Variants in CD8A observed in about 807,000 individuals in gnomAD.
The protein encoded by CD8A is T-cell surface glycoprotein CD8 alpha chain.
A neutral mutation model predicts 24.2 loss-of-function variants in CD8A; 25 were observed. The ratio of observed to expected loss-of-function variants is 1.03; its 90% CI spans 0.75 to 1.44. The LOEUF is 1.44. CD8A is among the 40% of genes most tolerant of loss of function. CD8A has a pLI of 0.00. For synonymous variants in CD8A, 165 were observed against 149.9 expected (o/e 1.10, Z -0.74); for missense variants, 360 against 319.7 (o/e 1.13, Z -0.96).
chr2:86,799,895 T>G (rs1673609657), intron 3 of CD8A, among the ~76,000 whole-genome samples: 1 of 152,044 alleles, frequency 6.6e-6, no homozygotes, highest in African/African-American at 2.4e-5. Flanking sequence ...ATTATGAGGA[T>G]GCATATTAAC....
chr2:86,804,751 G>A (rs1239799574), intron 2 of CD8A, among the ~76,000 whole-genome samples: 1 of 148,702 alleles, frequency 6.7e-6, no homozygotes, highest in East Asian at 2.0e-4. Flanking sequence ...CTCCCAAAGT[G>A]CTGAGATTAC....
chr2:86,799,832 A>ATCCCTC (rs1673607545), intron 3 of CD8A, among the ~76,000 whole-genome samples: 1 of 152,170 alleles, frequency 6.6e-6, no homozygotes, highest in Non-Finnish European at 1.5e-5. Context: ...TTGGGGCCTC[A>ATCCCTC]TCCCTCTACT....
Position 86,789,439 on chromosome 2 carries a change from G to C in CD8A, c.515-6C>G, listed in dbSNP as rs139743836. On this transcript the variant is annotated splice_region_variant and splice_polypyrimidine_tract_variant and intron_variant, in intron 3 of 5. Coordinates refer to ENST00000283635, the MANE Select transcript of CD8A (RefSeq NM_001768.7). ...GTCCAGCCCCCTCGTGTGCACTGACGACACCAAAGACGCCGACATTTAGGA... is the reference window on the plus strand; with the variant it reads ...GTCCAGCCCCCTCGTGTGCACTGACCACACCAAAGACGCCGACATTTAGGA... The C allele has an allele frequency of 2.5e-6, 4 of 1,600,562 alleles. No homozygotes were observed. Among genetic ancestry groups the C allele is most frequent in the Non-Finnish European group, 3.4e-6 (4 of 1,167,648 alleles).
chr2:86,797,770 AT>A lies in CD8A; in HGVS notation c.-271+3740del, dbSNP rs1193773676. Among the ~76,000 whole-genome samples the A allele has an allele frequency of 2.0e-5, 3 of 152,282 alleles. No homozygotes were observed. In the East Asian group the frequency reaches 5.8e-4, roughly 29 times the overall value. On this transcript the variant is annotated intron_variant, in intron 3 of 8. Coordinates refer to the CD8A transcript ENST00000409511. ...ATGCCCACTCTTTATAAGTGTTAGCATTTTGTCGCATTTCCTTCACATGAAC... is the reference window on the plus strand; with the variant it reads ...ATGCCCACTCTTTATAAGTGTTAGCATTTGTCGCATTTCCTTCACATGAAC...
chr2:86,789,266 A>G (rs906484162), intron 4 of CD8A, 57 bp downstream of exon 4: 2 of 1,150,972 alleles, frequency 1.7e-6, no homozygotes, highest in African/African-American at 3.0e-5. Context: ...TGGAGCTAGC[A>G]GAGCCAAGGG....
rs1442448362 is a variant in CD8A, at chr2:86,784,961, C to CT, written c.*958dup. On this transcript the variant is annotated 3_prime_UTR_variant, in exon 6 of 6. Coordinates refer to ENST00000283635, the MANE Select transcript of CD8A (RefSeq NM_001768.7). Reference sequence around the variant, plus strand: ...TCTGCTAGTTGAGCAGAGGCCAGGGCTGTGTGAGGGGCTCTCCAACAATTG... The same window carrying CT: ...TCTGCTAGTTGAGCAGAGGCCAGGGCTTGTGTGAGGGGCTCTCCAACAATTG... 6.6e-6 allele frequency: 3 copies of CT among 454,010 alleles called. No homozygotes were observed. Among genetic ancestry groups the CT allele is most frequent in the African/African-American group, 2.0e-5 (1 of 50,016 alleles). The allele number at this position is 454,010 out of a possible 1,614,324, so 28.1% of individuals were successfully genotyped here. A position where few individuals can be genotyped will look rare whatever the true frequency, so the allele number is the denominator to read the frequency against.
upstream of CD8A, chr2:86,791,294 GC>G (rs1373484933): frequency 5.5e-6 from 2 of 361,114 alleles, no homozygotes; most frequent in African/African-American, 4.3e-5. Flanking sequence ...CTTTTTATTG[GC>G]AAAATGGGCA....
intron 4 of CD8A, 149 bp downstream of exon 4, chr2:86,789,174 C>A: frequency 1.4e-6 from 1 of 708,708 alleles, no homozygotes. Context: ...TTCTATCTCC[C>A]AGAAAGAAGT....
chr2:86,785,623 T>C lies in CD8A; in HGVS notation c.*297A>G. 1.6e-6 allele frequency: 1 copy of C among 616,348 alleles called. No homozygotes were observed. 38.2% of individuals were successfully genotyped at this position (616,348 alleles called of 1,614,324 possible). ...TTGAGATGGCATGGGTGCCTCCAGC[T>C]CTCTCAGCATGATTCTGAGAACTCT... On this transcript the variant is annotated 3_prime_UTR_variant, in exon 6 of 6. Coordinates refer to ENST00000283635, the MANE Select transcript of CD8A (RefSeq NM_001768.7).
rs1364984545 is a variant in CD8A, at chr2:86,784,682, C to G, written c.*1238G>C. ...GCCACTCATAACAGCATAGTACAACCCTATTTAAAAAAGAAAGACATATTT... is the reference window on the plus strand; with the variant it reads ...GCCACTCATAACAGCATAGTACAACGCTATTTAAAAAAGAAAGACATATTT... On this transcript the variant is annotated 3_prime_UTR_variant, in exon 6 of 6. Transcript: ENST00000283635. 1 of 446,272 alleles carries G rather than the reference C, an allele frequency of 2.2e-6. No individual in the cohort carries two copies. Among genetic ancestry groups the G allele is most frequent in the Non-Finnish European group, 4.5e-6 (1 of 222,842 alleles). The allele number at this position is 446,272 out of a possible 1,614,324, so 27.6% of individuals were successfully genotyped here.
At chr2:86,793,357 A>T (rs1673373805), upstream of CD8A, among the ~76,000 whole-genome samples, 1 of 152,152 alleles carries the variant, frequency 6.6e-6, no homozygotes, top group Admixed American at 6.6e-5. Context: ...ATGGGAGATG[A>T]GGGAGTTGGG....
At chr2:86,789,201 C>T (rs1190384760) in intron 4 of CD8A, 122 bp downstream of exon 4, 9 of 748,462 alleles carry the variant, frequency 1.2e-5, no homozygotes, top group Non-Finnish European at 2.0e-5. Context: ...ACCTGCGGGG[C>T]AGCTCGGGAG....
Position 86,784,837 on chromosome 2 carries a change from C to G in CD8A, c.*1083G>C, listed in dbSNP as rs753269191. The G allele has an allele frequency of 4.4e-6, 2 of 454,080 alleles. No individual in the cohort carries two copies. Among genetic ancestry groups the G allele is most frequent in the South Asian group, 3.1e-5 (2 of 64,470 alleles). 28.1% of individuals were successfully genotyped at this position (454,080 alleles called of 1,614,324 possible). A position where few individuals can be genotyped will look rare whatever the true frequency, so the allele number is the denominator to read the frequency against. ...AAGTTTTTTCTCTCCAATGGGCAGG[C>G]ATTGCTTGTACCATACCTTAAGCAA... On this transcript the variant is annotated 3_prime_UTR_variant, in exon 6 of 6. Transcript: ENST00000283635.
chr2:86,801,524 T>C (rs1673673525), exon 3 of CD8A: 1 of 152,244 alleles, frequency 6.6e-6, no homozygotes, highest in African/African-American at 2.4e-5. Context: ...GCTAAATTTT[T>C]GTAGAGATGG....
upstream of CD8A, among the ~76,000 whole-genome samples, chr2:86,792,499 A>ATTT (rs10673776): frequency 5.0e-4 from 74 of 147,864 alleles, no homozygotes; most frequent in Middle Eastern, 3.5e-3. Context: ...CGTTGTTGCT[A>ATTT]TTTTTTTTTT....
intron 3 of CD8A, among the ~76,000 whole-genome samples, chr2:86,799,452 G>A (rs565869676): frequency 6.6e-6 from 1 of 152,094 alleles, no homozygotes; most frequent in African/African-American, 2.4e-5. Flanking sequence ...AGAGTCCCCA[G>A]TATCCAGGTA....
chr2:86,805,808 T>C (rs1673830111), intron 2 of CD8A, among the ~76,000 whole-genome samples: 1 of 152,206 alleles, frequency 6.6e-6, no homozygotes, highest in Non-Finnish European at 1.5e-5. Context: ...CTCTTCTTTT[T>C]GTTCAGAGCC....
chr2:86,805,347 G>C (rs1673811623), intron 2 of CD8A, among the ~76,000 whole-genome samples: 1 of 152,176 alleles, frequency 6.6e-6, no homozygotes, highest in Admixed American at 6.5e-5. Flanking sequence ...GACTTGAGGA[G>C]TATGGCAACC....
chr2:86,788,453 C>T (rs1673114096), intron 5 of CD8A, 77 bp downstream of exon 5: 5 of 1,202,632 alleles, frequency 4.2e-6, no homozygotes, highest in Non-Finnish European at 6.2e-6. Context: ...AAAGTTCCCA[C>T]TATTTGCTGC....
Sources: allele counts gnomAD v4.1 joint callset (sites outside exome capture counted in the v4.1 genomes callset), GRCh38; gene constraint gnomAD v4.1.1; transcripts MANE v1.5; gene names NCBI Gene and HGNC (gene_info 2026-07-23, HGNC 2026-07-21).